The following SLC12A8 variants were observed in gnomAD, a reference collection of about 807,000 sequenced individuals.
SLC12A8 encodes cation-chloride cotransporter 9.
SLC12A8 carries 69 observed loss-of-function variants against 75.6 expected under a neutral mutation model. The ratio of observed to expected loss-of-function variants is 0.91; its 90% CI spans 0.75 to 1.11. The LOEUF (loss-of-function observed/expected upper bound fraction) is 1.11. SLC12A8 is among the 50% of genes most tolerant of loss of function. The probability of loss-of-function intolerance (pLI) is 0.00; values close to 1 mark genes in which losing one functional copy is unlikely to be tolerated. For synonymous variants in SLC12A8, 365 were observed against 372.8 expected (o/e 0.98, Z 0.24); for missense variants, 877 against 896.7 (o/e 0.98, Z 0.28).
intron 7 of SLC12A8, 22 bp from the exon 8 acceptor site, chr3:125,118,878 CAG>C: frequency 6.4e-7 from 1 of 1,554,750 alleles, no homozygotes; most frequent in Non-Finnish European, 8.9e-7. Flanking sequence ...AAGAGCAGAA[CAG>C]AGCTGCCCCC....
chr3:125,190,664 T>TACACATAC, intron 2 of SLC12A8, 143 bp from the exon 3 acceptor site: 1 of 866,440 alleles, frequency 1.2e-6, no homozygotes, highest in Non-Finnish European at 1.8e-6. Context: ...TGTGTGTGTA[T>TACACATAC]ACACACATGC....
At chr3:125,176,339 G>T (rs993813886) in intron 5 of SLC12A8, among the ~76,000 whole-genome samples, 1 of 152,150 alleles carries the variant, frequency 6.6e-6, no homozygotes, top group Non-Finnish European at 1.5e-5. Flanking sequence ...CCAAAGGGCT[G>T]GGAATACAGG....
chr3:125,117,688 C>T (rs1324456354), intron 8 of SLC12A8, among the ~76,000 whole-genome samples: 1 of 152,180 alleles, frequency 6.6e-6, no homozygotes, highest in African/African-American at 2.4e-5. Context: ...TAACCAACTA[C>T]ATTTCTCTGA....
At chr3:125,212,629 T>A (rs1935360094) in intron 1 of SLC12A8, 71 bp downstream of exon 1, 1 of 152,482 alleles carries the variant, frequency 6.6e-6, no homozygotes, top group Non-Finnish European at 1.5e-5. Context: ...GCCTGGCTCC[T>A]AACTGCGGGC....
chr3:125,141,369 G>A (rs1260872616), intron 5 of SLC12A8, among the ~76,000 whole-genome samples: 1 of 152,188 alleles, frequency 6.6e-6, no homozygotes, highest in South Asian at 2.1e-4. Flanking sequence ...GGTGCTCGTG[G>A]GAGCCTACCC....
At chr3:125,139,521 T>G (rs572831127) in intron 5 of SLC12A8, among the ~76,000 whole-genome samples, 8 of 152,322 alleles carry the variant, frequency 5.3e-5, no homozygotes, top group African/African-American at 1.9e-4. Flanking sequence ...TCCCCTGTCC[T>G]GAGCCAGTCC....
In SLC12A8 at chr3:125,120,640, G is replaced by T. The variant is rs754442101; in HGVS notation, c.783C>A (p.Ala261=). ...CCAGGGAGCCCAGGGGAATGCTGGC[G>T]GCAGGCTCCCTGAGGTCGCCCCCCA... The part of the protein sequence containing the change: ...FNMGGDLREP[A]ASIPLGSLAA... Residue 261 remains alanine, a synonymous_variant, in exon 7 of 14, where the codon GCC becomes GCA. Transcript: ENST00000469902. 1.9e-6 allele frequency: 3 copies of T among 1,613,674 alleles called. No individual in the cohort carries two copies. The highest frequency in any genetic ancestry group is 3.3e-4 in the Middle Eastern group (2 of 6,062).
intron 5 of SLC12A8, among the ~76,000 whole-genome samples, chr3:125,137,307 T>C (rs573800905): frequency 2.6e-5 from 4 of 152,214 alleles, no homozygotes; most frequent in Non-Finnish European, 5.9e-5. Context: ...CTTAAATCAT[T>C]GTCAATTGCT....
At chr3:125,088,231 C>T in intron 13 of SLC12A8, 79 bp downstream of exon 13, 1 of 1,459,342 alleles carries the variant, frequency 6.9e-7, no homozygotes, top group South Asian at 1.2e-5. Flanking sequence ...CAAGCCCAGC[C>T]AGGAATGGGA....
intron 13 of SLC12A8, among the ~76,000 whole-genome samples, chr3:125,087,024 A>C (rs1257861177): frequency 6.6e-6 from 1 of 152,148 alleles, no homozygotes; most frequent in Admixed American, 6.5e-5. Flanking sequence ...GAATGTCCTT[A>C]ATGCCACTGA....
rs1932973495 is a variant in SLC12A8, at chr3:125,118,858, T to C, written c.825-2A>G. The C allele has an allele frequency of 6.2e-7, 1 of 1,609,660 alleles. No homozygotes were observed. Among genetic ancestry groups the C allele is most frequent in the Non-Finnish European group, 8.5e-7 (1 of 1,176,252 alleles). On this transcript the variant is annotated splice_acceptor_variant, in intron 7 of 13. Transcript: ENST00000469902. LOFTEE classifies it high-confidence loss of function. ...ACGAAGATGATGTACAGAAACCACC[T>C]GCAAAACCCAAGAGCAGAACAGAGC...
intron 5 of SLC12A8, among the ~76,000 whole-genome samples, chr3:125,155,517 A>T (rs1036854802): frequency 6.6e-6 from 1 of 151,830 alleles, no homozygotes; most frequent in African/African-American, 2.4e-5. Flanking sequence ...CACGCCTGTA[A>T]TCCCAGCACT....
At chr3:125,102,163 C>T (rs956054228) in intron 10 of SLC12A8, among the ~76,000 whole-genome samples, 1 of 152,034 alleles carries the variant, frequency 6.6e-6, no homozygotes, top group Non-Finnish European at 1.5e-5. Flanking sequence ...GAATCCTTCT[C>T]CAAAAGGGGT....
chr3:125,110,465 A>G (rs1939160436), intron 8 of SLC12A8, 130 bp from the exon 9 acceptor site: 7 of 801,172 alleles, frequency 8.7e-6, no homozygotes, highest in Non-Finnish European at 1.3e-5. Context: ...CCTGGGATAC[A>G]GTTTCCACAT....
At position 125,137,254 on chromosome 3, in the gene SLC12A8, A is replaced by T. The variant is rs371623484; in HGVS notation, c.623-1472T>A. ...TTTTTTTTAAAAAATAATGAAACGA[A>T]ATCTCAGGGAAGCACAAGGGACCCT... On this transcript the variant is annotated intron_variant, in intron 5 of 13. Transcript: ENST00000469902. Among the ~76,000 whole-genome samples, 7 of 152,324 alleles carry T rather than the reference A, an allele frequency of 4.6e-5. 1 individual carries two copies. The highest frequency in any genetic ancestry group is 2.1e-4 in the South Asian group (1 of 4,832).
At chr3:125,184,954 C>T (rs1014212651) in intron 4 of SLC12A8, among the ~76,000 whole-genome samples, 1 of 152,136 alleles carries the variant, frequency 6.6e-6, no homozygotes, top group African/African-American at 2.4e-5. Flanking sequence ...ACCAAACTTA[C>T]ACAAATAAAA....
intron 5 of SLC12A8, among the ~76,000 whole-genome samples, chr3:125,147,516 C>A (rs547530275): frequency 2.0e-5 from 3 of 150,282 alleles, no homozygotes; most frequent in Non-Finnish European, 4.5e-5. Context: ...ACCATCTCCC[C>A]GTCAGATTAG....
chr3:125,207,639 C>G (rs915388910), intron 2 of SLC12A8, among the ~76,000 whole-genome samples: 1 of 152,220 alleles, frequency 6.6e-6, no homozygotes, highest in African/African-American at 2.4e-5. Flanking sequence ...AGCTTGTCAG[C>G]TTGCCATCTG....
chr3:125,093,903 T>G (rs760897527), intron 10 of SLC12A8, among the ~76,000 whole-genome samples: 1 of 152,198 alleles, frequency 6.6e-6, no homozygotes, highest in African/African-American at 2.4e-5. Flanking sequence ...CTTGTCATTC[T>G]TCTCTTGCTT....
Sources: allele counts gnomAD v4.1 joint callset (sites outside exome capture counted in the v4.1 genomes callset), GRCh38; gene constraint gnomAD v4.1.1; transcripts MANE v1.5; gene names NCBI Gene and HGNC (gene_info 2026-07-23, HGNC 2026-07-21).